The following SLC13A4 variants were observed in gnomAD, a reference collection of about 807,000 sequenced individuals.
SLC13A4 encodes the protein Na(+)/sulfate cotransporter SUT-1.
A neutral mutation model predicts 72.7 loss-of-function variants in SLC13A4; 28 were observed. The observed-to-expected ratio is 0.39, with a 90% CI of 0.29 to 0.53. The LOEUF (loss-of-function observed/expected upper bound fraction) is 0.53. SLC13A4 is among the 20% of genes least tolerant of loss of function. SLC13A4 has a pLI of 0.78. For synonymous variants in SLC13A4, 312 were observed against 325.5 expected, an observed-to-expected ratio of 0.96 and a Z score of 0.45; for missense variants, 653 against 788.0, an observed-to-expected ratio of 0.83 and a Z score of 2.05.
In SLC13A4 at chr7:135,727,732, C is replaced by A; in HGVS notation, c.-236G>T. 2.1e-6 allele frequency: 1 copy of A among 471,388 alleles called. No homozygotes were observed. The highest frequency in any genetic ancestry group is 3.7e-6 in the Non-Finnish European group (1 of 266,970). 29.2% of individuals were successfully genotyped at this position (471,388 alleles called of 1,614,324 possible). On this transcript the variant is annotated 5_prime_UTR_variant, in exon 1 of 16. Coordinates refer to ENST00000682651, the MANE Select transcript of SLC13A4 (RefSeq NM_001318192.2). The stretch of plus-strand genomic sequence containing the variant: ...TTGATGAGCATCGTTTTGTGACCAG[C>A]AAAAAGGAACTGGGAAAGGATGATA...
intron 2 of SLC13A4, among the ~76,000 whole-genome samples, chr7:135,714,136 C>A (rs1204863489): frequency 1.3e-5 from 2 of 152,224 alleles, no homozygotes; most frequent in East Asian, 1.9e-4. Flanking sequence ...CTGGTTCCAT[C>A]TGTTTTATAT....
chr7:135,704,281 C>G (rs1796112788), intron 5 of SLC13A4: 1 of 152,392 alleles, frequency 6.6e-6, no homozygotes, highest in African/African-American at 2.4e-5. Flanking sequence ...AAGGCCCTGC[C>G]ATCAGGCCTG....
intron 12 of SLC13A4, 98 bp from the exon 13 acceptor site, chr7:135,691,423 T>C (rs1339253317): frequency 7.7e-5 from 58 of 751,656 alleles, no homozygotes; most frequent in Non-Finnish European, 1.1e-4. Context: ...GGGATACTGC[T>C]ATTTGGGGCG....
At chr7:135,722,131 C>G (rs529737190) in intron 1 of SLC13A4, among the ~76,000 whole-genome samples, 2 of 152,172 alleles carry the variant, frequency 1.3e-5, no homozygotes, top group South Asian at 4.2e-4. Context: ...GTAGTCCCAG[C>G]TACTTGGGAG....
At chr7:135,718,255 A>G (rs1219767786) in intron 2 of SLC13A4, among the ~76,000 whole-genome samples, 2 of 152,072 alleles carry the variant, frequency 1.3e-5, no homozygotes, top group East Asian at 3.9e-4. Context: ...ATATCATCCC[A>G]TGTTGCACCT....
chr7:135,681,757 C>A, intron 15 of SLC13A4, 57 bp from the exon 16 acceptor site: 10 of 1,576,848 alleles, frequency 6.3e-6, no homozygotes, highest in Non-Finnish European at 6.9e-6. Flanking sequence ...GCACAGATCC[C>A]CAAGTCCCCC....
intron 2 of SLC13A4, among the ~76,000 whole-genome samples, chr7:135,711,168 G>A (rs1171958519): frequency 6.6e-6 from 1 of 152,178 alleles, no homozygotes; most frequent in Non-Finnish European, 1.5e-5. Flanking sequence ...CTTGTCTACC[G>A]AGGAGAGAAA....
chr7:135,700,387 A>G (rs1030981347), intron 7 of SLC13A4, among the ~76,000 whole-genome samples: 1 of 152,148 alleles, frequency 6.6e-6, no homozygotes, highest in African/African-American at 2.4e-5. Context: ...GAGACTAGGA[A>G]AGTCCTGGTG....
intron 13 of SLC13A4, among the ~76,000 whole-genome samples, chr7:135,687,170 A>G (rs1287699437): frequency 6.6e-6 from 1 of 152,246 alleles, no homozygotes; most frequent in Non-Finnish European, 1.5e-5. Flanking sequence ...AATGAAAGGT[A>G]TCATTGAGTT....
At position 135,684,220 on chromosome 7, in the gene SLC13A4, T is replaced by A. The variant is rs1436791500; in HGVS notation, c.1650A>T (p.Pro550=). 2 of 1,612,982 alleles carry A rather than the reference T, an allele frequency of 1.2e-6. No homozygotes were observed. The highest frequency in any genetic ancestry group is 1.7e-6 in the Non-Finnish European group (2 of 1,179,372). The change falls in exon 15 of 16, where the codon CCA becomes CCT. Residue 550 remains proline (P), a synonymous_variant. Transcript: ENST00000682651. ...CTGCAAAGGAGATGCACATGGTGACTGGGATCAGGGTGTAGAGGGGGTTAA... is the reference window on the plus strand; with the variant it reads ...CTGCAAAGGAGATGCACATGGTGACAGGGATCAGGGTGTAGAGGGGGTTAA... The part of the protein sequence containing the change: ...LHINPLYTLI[P]VTMCISFAVM...
chr7:135,684,204 A>G lies in SLC13A4; in HGVS notation c.1666T>C (p.Ser556Pro). ...CCCACAGGCAGCATCACTGCAAAGGAGATGCACATGGTGACTGGGATCAGG... is the reference window on the plus strand; with the variant it reads ...CCCACAGGCAGCATCACTGCAAAGGGGATGCACATGGTGACTGGGATCAGG... ...YTLIPVTMCI[S>P]FAVMLPVGNP... Residue 556 changes from serine (S) to proline (P), a missense_variant, in exon 15 of 16, where the codon TCC (serine) becomes CCC (proline). Ser to Pro is a moderately conservative substitution (Grantham distance 74, BLOSUM62 -1). Transcript: ENST00000682651. 6.2e-7 allele frequency: 1 copy of G among 1,613,078 alleles called. No homozygotes were observed. Among genetic ancestry groups the G allele is most frequent in the Non-Finnish European group, 8.5e-7 (1 of 1,179,354 alleles).
intron 13 of SLC13A4, among the ~76,000 whole-genome samples, chr7:135,690,373 A>G (rs1405913884): frequency 6.6e-6 from 1 of 152,068 alleles, no homozygotes; most frequent in Non-Finnish European, 1.5e-5. Context: ...AAAAGATCTC[A>G]TCCAAAATCC....
At chr7:135,715,128 T>A (rs1336046862) in intron 2 of SLC13A4, among the ~76,000 whole-genome samples, 1 of 151,712 alleles carries the variant, frequency 6.6e-6, no homozygotes, top group African/African-American at 2.4e-5. Context: ...TATGTGTGTA[T>A]GCGTGTGTGA....
At chr7:135,710,772 A>T (rs1796282904) in intron 2 of SLC13A4, among the ~76,000 whole-genome samples, 3 of 152,144 alleles carry the variant, frequency 2.0e-5, no homozygotes, top group African/African-American at 4.8e-5. Context: ...CATCTGGTTG[A>T]TGAGGGTTGT....
At chr7:135,715,211 A>C (rs1164313090) in intron 2 of SLC13A4, among the ~76,000 whole-genome samples, 1 of 148,612 alleles carries the variant, frequency 6.7e-6, no homozygotes, top group African/African-American at 2.5e-5. Context: ...GTATGTGTGC[A>C]TGAGTGTGTA....
intron 15 of SLC13A4, among the ~76,000 whole-genome samples, chr7:135,682,270 C>G (rs1210705624): frequency 6.6e-6 from 1 of 152,150 alleles, no homozygotes; most frequent in African/African-American, 2.4e-5. Context: ...TGCTTCTTTC[C>G]TCTGAGGGAA....
intron 2 of SLC13A4, among the ~76,000 whole-genome samples, chr7:135,717,903 TC>T (rs1160486608): frequency 1.3e-5 from 2 of 151,976 alleles, no homozygotes; most frequent in African/African-American, 4.8e-5. Flanking sequence ...GGCTGGGACA[TC>T]TGTCATCTCC....
At chr7:135,712,116 A>C (rs923719611) in intron 2 of SLC13A4, among the ~76,000 whole-genome samples, 2 of 150,942 alleles carry the variant, frequency 1.3e-5, no homozygotes, top group African/African-American at 4.9e-5. Context: ...GAACCATTGC[A>C]CCCAGCCCAC....
chr7:135,692,307 A>C lies in SLC13A4; in HGVS notation c.1223+16T>G. ...GGTGAGGGGGTTGTTCTTAAGGAGG[A>C]AATGATATCACTTACTTTTCAAAGA... On this transcript the variant is annotated intron_variant, in intron 11 of 15. Transcript: ENST00000682651. 1 of 1,581,374 alleles carries C rather than the reference A, an allele frequency of 6.3e-7. No individual in the cohort carries two copies. The highest frequency in any genetic ancestry group is 8.7e-7 in the Non-Finnish European group (1 of 1,150,384).
Sources: gnomAD v4.1 joint callset for allele counts (sites outside exome capture counted in the v4.1 genomes callset) on GRCh38, gnomAD v4.1.1 for gene constraint, MANE v1.5 for transcripts, NCBI Gene and HGNC (gene_info 2026-07-23, HGNC 2026-07-21) for gene names.